The following SLC44A3 variants were observed in gnomAD, a reference collection of about 807,000 sequenced individuals.
The protein encoded by SLC44A3 is solute carrier family 44 member 3.
A neutral mutation model predicts 75.4 loss-of-function variants in SLC44A3; 74 were observed. The ratio of observed to expected loss-of-function variants is 0.98; its 90% confidence interval spans 0.81 to 1.19. The LOEUF (loss-of-function observed/expected upper bound fraction) is 1.19, where lower values mean the gene tolerates loss of function less well. Ranked by LOEUF, SLC44A3 falls within the 50% of genes most tolerant of loss-of-function variation. The pLI, the probability that SLC44A3 is intolerant of heterozygous loss-of-function variation, is 0.00. For synonymous variants in SLC44A3, 310 were observed against 296.9 expected, an observed-to-expected ratio of 1.04 and a Z score of -0.45; for missense variants, 700 against 778.6, an observed-to-expected ratio of 0.90 and a Z score of 1.20.
chr1:94,887,829 G>C (rs1669757556), intron 12 of SLC44A3, among the ~76,000 whole-genome samples: 1 of 152,122 alleles, frequency 6.6e-6, no homozygotes, highest in South Asian at 2.1e-4. Flanking sequence ...GCTGGGGGCT[G>C]GCAGGTGGTC....
In SLC44A3 at chr1:94,829,450, C is replaced by T. The variant is rs1055500733; in HGVS notation, c.509+864C>T. Among the ~76,000 whole-genome samples, 9 of 152,268 alleles carry T rather than the reference C, an allele frequency of 5.9e-5. 1 individual carries two copies. The highest frequency in any genetic ancestry group is 7.2e-5 in the African/African-American group (3 of 41,550). On this transcript the variant is annotated intron_variant, in intron 5 of 14. Coordinates refer to ENST00000271227, the MANE Select transcript of SLC44A3 (RefSeq NM_001114106.3). ...AGCACAGGTCCTTATCAAGAGTACA[C>T]TTGGTGGGCTCCTTGCAAGGTCTTA...
At chr1:94,866,736 C>T (rs758269822) in intron 11 of SLC44A3, among the ~76,000 whole-genome samples, 7 of 152,052 alleles carry the variant, frequency 4.6e-5, no homozygotes, top group Non-Finnish European at 1.0e-4. Flanking sequence ...AGGATGCCTC[C>T]GAGCACCCTT....
chr1:94,840,743 TG>T (rs1663516036), intron 7 of SLC44A3, among the ~76,000 whole-genome samples: 1 of 152,230 alleles, frequency 6.6e-6, no homozygotes, highest in Non-Finnish European at 1.5e-5. Flanking sequence ...CATTGGCACG[TG>T]GGTGCCCACA....
chr1:94,856,540 G>A (rs560450572), intron 9 of SLC44A3, among the ~76,000 whole-genome samples: 14 of 152,288 alleles, frequency 9.2e-5, no homozygotes, highest in African/African-American at 3.4e-4. Context: ...TTAAATTTTT[G>A]GTGAAGTAGG....
chr1:94,840,694 G>A (rs1663510053), intron 7 of SLC44A3, among the ~76,000 whole-genome samples: 1 of 152,210 alleles, frequency 6.6e-6, no homozygotes, highest in Non-Finnish European at 1.5e-5. Context: ...TACCCACTGG[G>A]AGCATTTTAA....
At chr1:94,827,269 C>A (rs953326895) in intron 3 of SLC44A3, among the ~76,000 whole-genome samples, 71 of 152,202 alleles carry the variant, frequency 4.7e-4, no homozygotes, top group Admixed American at 5.2e-4. Flanking sequence ...ATCCCCTAGA[C>A]AACACTAAAT....
intron 9 of SLC44A3, among the ~76,000 whole-genome samples, chr1:94,848,872 G>A (rs879284764): frequency 2.0e-5 from 3 of 152,144 alleles, no homozygotes; most frequent in African/African-American, 4.8e-5. Context: ...GCTTCTTAGA[G>A]GGCAGGCTGG....
intron 5 of SLC44A3, among the ~76,000 whole-genome samples, chr1:94,828,994 A>G (rs1047565891): frequency 1.3e-5 from 2 of 152,190 alleles, no homozygotes; most frequent in Non-Finnish European, 2.9e-5. Flanking sequence ...CAATCCCAGC[A>G]TTTTGGGAGA....
rs1415665143 is a variant in SLC44A3 at position 94,861,664 on chromosome 1, G to A, written c.1239-3079G>A. ...TAATCTTCAAAGTTCACAATTCTTC[G>A]TATCCTTTTCTGGCCTGCACTCAGG... is the stretch of plus-strand genomic sequence containing the variant. On this transcript the variant is annotated intron_variant, in intron 10 of 14. Coordinates refer to ENST00000271227, the MANE Select transcript of SLC44A3 (RefSeq NM_001114106.3). Among the ~76,000 whole-genome samples, 7 of 152,038 alleles carry A rather than the reference G, an allele frequency of 4.6e-5. No individual in the cohort carries two copies. The East Asian group carries it at 5.8e-4, about 13-fold the overall frequency.
intron 2 of SLC44A3, among the ~76,000 whole-genome samples, chr1:94,822,138 C>T (rs1478429963): frequency 6.6e-6 from 1 of 152,116 alleles, no homozygotes; most frequent in Non-Finnish European, 1.5e-5. Flanking sequence ...CAGCTTTGAC[C>T]TCAAGCTGTT....
chr1:94,882,771 T>G (rs1669140100), intron 12 of SLC44A3, among the ~76,000 whole-genome samples: 1 of 151,794 alleles, frequency 6.6e-6, no homozygotes, highest in South Asian at 2.1e-4. Context: ...ACAAGGCTTA[T>G]CTAAAACAAA....
chr1:94,851,293 T>C (rs1472264431), intron 9 of SLC44A3, among the ~76,000 whole-genome samples: 1 of 152,232 alleles, frequency 6.6e-6, no homozygotes, highest in Non-Finnish European at 1.5e-5. Context: ...ATTTATCTCA[T>C]GCCTGCCCTG....
intron 12 of SLC44A3, among the ~76,000 whole-genome samples, chr1:94,888,893 C>CTATATATATA (rs34513886): frequency 1.3e-4 from 19 of 146,900 alleles, no homozygotes; most frequent in African/African-American, 3.0e-4. Flanking sequence ...CCACGACTGG[C>CTATATATATA]TATATATATA....
At chr1:94,878,050 C>T (rs1203176065) in intron 12 of SLC44A3, among the ~76,000 whole-genome samples, 6 of 151,932 alleles carry the variant, frequency 3.9e-5, no homozygotes, top group Admixed American at 2.0e-4. Context: ...CTGGCTAACA[C>T]GGTGAAACCC....
chr1:94,881,722 ATAT>A (rs1557883433), intron 12 of SLC44A3, among the ~76,000 whole-genome samples: 1 of 148,466 alleles, frequency 6.7e-6, no homozygotes, highest in Non-Finnish European at 1.5e-5. Flanking sequence ...AAAAGAACCA[ATAT>A]TCTGCCGGGC....
At chr1:94,885,322 A>T (rs1669458527) in intron 12 of SLC44A3, among the ~76,000 whole-genome samples, 1 of 151,708 alleles carries the variant, frequency 6.6e-6, no homozygotes, top group African/African-American at 2.4e-5. Context: ...TAATGAGACG[A>T]TGATCCGAGG....
chr1:94,888,426 A>G (rs1669836114), intron 12 of SLC44A3, among the ~76,000 whole-genome samples: 2 of 152,198 alleles, frequency 1.3e-5, no homozygotes, highest in African/African-American at 4.8e-5. Flanking sequence ...TGCTTTGAGG[A>G]TGAATGAATA....
chr1:94,820,739 C>A (rs994174508), intron 1 of SLC44A3: 3 of 1,392,530 alleles, frequency 2.2e-6, no homozygotes, highest in Non-Finnish European at 2.8e-6. Flanking sequence ...CACTTGGCGG[C>A]AGGGGGCTTA....
intron 9 of SLC44A3, among the ~76,000 whole-genome samples, chr1:94,847,510 A>G (rs188241076): frequency 6.6e-6 from 1 of 152,198 alleles, no homozygotes; most frequent in Non-Finnish European, 1.5e-5. Context: ...GGCACGCACC[A>G]ATCAGAGGTT....
Sources: allele counts gnomAD v4.1 joint callset (sites outside exome capture counted in the v4.1 genomes callset), GRCh38; gene constraint gnomAD v4.1.1; transcripts MANE v1.5; gene names NCBI Gene and HGNC (gene_info 2026-07-23, HGNC 2026-07-21).